ACTR3C: variants seen among roughly 807,000 people sequenced by gnomAD.
ACTR3C encodes the protein actin-related protein 3C.
In ACTR3C, 18 loss-of-function variants were observed where a neutral mutation model predicts 26.3. The ratio of observed to expected loss-of-function variants is 0.68; its 90% CI spans 0.47 to 1.01. The LOEUF (loss-of-function observed/expected upper bound fraction) is 1.01, where lower values mean the gene tolerates loss of function less well. Among genes scored for constraint, ACTR3C ranks in the 50% least tolerant of loss-of-function variants. The pLI is 0.00. For synonymous variants in ACTR3C, 55 were observed against 94.5 expected (o/e 0.58, Z 2.42); for missense variants, 184 against 250.7 (o/e 0.73, Z 1.80).
the ACTR3C span, among the ~76,000 whole-genome samples, chr7:150,209,299 A>G: frequency 1.4e-5 from 2 of 142,872 alleles, no homozygotes; most frequent in South Asian, 4.2e-4. Flanking sequence ...AGAGAGAGAG[A>G]GAGACAGAAA....
chr7:150,099,952 G>C, the ACTR3C span, among the ~76,000 whole-genome samples: 3 of 151,704 alleles, frequency 2.0e-5, no homozygotes, highest in Admixed American at 6.6e-5. Context: ...AAGAAGAGCA[G>C]CTGGCACCCA....
the ACTR3C span, among the ~76,000 whole-genome samples, chr7:150,059,133 C>G: frequency 6.6e-6 from 1 of 152,214 alleles, no homozygotes. Context: ...GGTTCTTCCA[C>G]TGCCTGGCTC....
the ACTR3C span, among the ~76,000 whole-genome samples, chr7:149,970,506 CCT>C: frequency 6.6e-6 from 1 of 152,148 alleles, no homozygotes; most frequent in African/African-American, 2.4e-5. Flanking sequence ...TCCAGGTTTC[CCT>C]GTCTCGACGT....
At chr7:149,917,250 T>A in the ACTR3C span, among the ~76,000 whole-genome samples, 1 of 152,148 alleles carries the variant, frequency 6.6e-6, no homozygotes, top group Non-Finnish European at 1.5e-5. Flanking sequence ...TAATTTTGTA[T>A]TTCTAGTAGA....
At chr7:150,099,747 C>T in the ACTR3C span, among the ~76,000 whole-genome samples, 2 of 151,500 alleles carry the variant, frequency 1.3e-5, no homozygotes, top group Non-Finnish European at 2.9e-5. Context: ...GGGTGGATCT[C>T]TGGGTCTGGG....
chr7:150,209,774 G>A, the ACTR3C span, among the ~76,000 whole-genome samples: 1 of 143,888 alleles, frequency 6.9e-6, no homozygotes, highest in African/African-American at 2.6e-5. Flanking sequence ...AAATTAGCTG[G>A]GTGTGGTGGT....
At chr7:150,209,313 A>C in the ACTR3C span, among the ~76,000 whole-genome samples, 1 of 131,094 alleles carries the variant, frequency 7.6e-6, no homozygotes, top group Admixed American at 7.0e-5. Context: ...ACAGAAACAG[A>C]GAGAGAGAGA....
At chr7:150,033,856 C>T in the ACTR3C span, among the ~76,000 whole-genome samples, 12 of 144,108 alleles carry the variant, frequency 8.3e-5, no homozygotes, top group Admixed American at 7.5e-4. Flanking sequence ...CCGCCCCCAG[C>T]GATGGGGATC....
the ACTR3C span, among the ~76,000 whole-genome samples, chr7:150,157,729 C>T: frequency 1.3e-4 from 20 of 152,300 alleles, no homozygotes; most frequent in South Asian, 1.0e-3. Flanking sequence ...GGAGGAATTA[C>T]GGAAGTGTTA....
chr7:149,965,775 A>G, the ACTR3C span, among the ~76,000 whole-genome samples: 1 of 152,240 alleles, frequency 6.6e-6, no homozygotes, highest in South Asian at 2.1e-4. Context: ...AGCAAATTGC[A>G]TTGAATCCAG....
At chr7:150,109,392 T>G in the ACTR3C span, among the ~76,000 whole-genome samples, 10 of 151,992 alleles carry the variant, frequency 6.6e-5, no homozygotes, top group Non-Finnish European at 1.5e-4. Context: ...AGAAGATCAC[T>G]CTAAAAGATA....
chr7:149,988,522 A>C, the ACTR3C span, among the ~76,000 whole-genome samples: 1 of 152,216 alleles, frequency 6.6e-6, no homozygotes, highest in East Asian at 1.9e-4. Context: ...ACATTTGCCT[A>C]CATCAATTGG....
At chr7:150,117,856 GC>G in the ACTR3C span, among the ~76,000 whole-genome samples, 4 of 151,950 alleles carry the variant, frequency 2.6e-5, no homozygotes, top group Non-Finnish European at 5.9e-5. Context: ...TCTGGTGGGT[GC>G]CCCTCTGGGA....
chr7:150,308,096 C>G (rs1795953031), intron 1 of ACTR3C, among the ~76,000 whole-genome samples: 1 of 151,908 alleles, frequency 6.6e-6, no homozygotes, highest in African/African-American at 2.4e-5. Flanking sequence ...CACCCGCATT[C>G]CAGAAGTGTT....
At chr7:149,937,865 A>G in the ACTR3C span, among the ~76,000 whole-genome samples, 1 of 152,170 alleles carries the variant, frequency 6.6e-6, no homozygotes, top group Non-Finnish European at 1.5e-5. Flanking sequence ...ACCCTCCTCC[A>G]GTAACACACG....
chr7:150,179,886 C>T, the ACTR3C span, among the ~76,000 whole-genome samples: 1 of 151,532 alleles, frequency 6.6e-6, no homozygotes, highest in Non-Finnish European at 1.5e-5. Flanking sequence ...AACAGCATCT[C>T]TGGAGAATGA....
At chr7:150,284,415 G>A (rs1408562668) in intron 6 of ACTR3C, among the ~76,000 whole-genome samples, 12 of 152,008 alleles carry the variant, frequency 7.9e-5, no homozygotes, top group East Asian at 1.9e-4. Flanking sequence ...GCGTGGCGGC[G>A]TGCACCTGTA....
chr7:149,919,497 C>T, the ACTR3C span, among the ~76,000 whole-genome samples: 10 of 152,206 alleles, frequency 6.6e-5, no homozygotes, highest in African/African-American at 2.4e-4. Context: ...ACCTCGGCCT[C>T]TCAAAGTGCT....
At chr7:150,198,825 G>A in the ACTR3C span, among the ~76,000 whole-genome samples, 7 of 141,676 alleles carry the variant, frequency 4.9e-5, no homozygotes, top group Middle Eastern at 4.3e-3. Flanking sequence ...CCCCCCGCCC[G>A]GCCAGCCGCC....
Sources: gnomAD v4.1 joint callset for allele counts (sites outside exome capture counted in the v4.1 genomes callset) on GRCh38, gnomAD v4.1.1 for gene constraint, MANE v1.5 for transcripts, NCBI Gene and HGNC (gene_info 2026-07-23, HGNC 2026-07-21) for gene names.